The following CTNND2 variants were observed in gnomAD, a reference collection of about 807,000 sequenced individuals.
CTNND2 encodes catenin delta 2, also known as catenin delta-2.
A neutral mutation model predicts 144.4 loss-of-function variants in CTNND2; 22 were observed. That is an observed-to-expected ratio of 0.15 (90% CI 0.11 to 0.22). The LOEUF is 0.22. Ranked by LOEUF, CTNND2 falls within the 10% of genes least tolerant of loss-of-function variation. The pLI is 1.00. For missense variants in CTNND2, 1,353 were observed against 1,618.8 expected (o/e 0.84, Z 2.82); for synonymous variants, 751 against 695.6 (o/e 1.08, Z -1.25).
In CTNND2 at chr5:11,236,767, T is replaced by G; in HGVS notation, c.1685A>C (p.Gln562Pro). 1 of 1,614,182 alleles carries G rather than the reference T, an allele frequency of 6.2e-7. No homozygotes were observed. The highest frequency in any genetic ancestry group is 8.5e-7 in the Non-Finnish European group (1 of 1,180,034). Residue 562 changes from glutamine (Q) to proline (P), a missense_variant, in exon 10 of 22, where the codon CAG becomes CCG. By Grantham distance (76) the Gln-to-Pro change is moderately conservative. Transcript: ENST00000304623. ...CGCGTTAGACTGGACCGAGGGAAAC[T>G]GGTGCTGCAACATCTGAATCACTTC... is the stretch of plus-strand genomic sequence containing the variant. ...LPEVIQMLQH[Q>P]FPSVQSNAAA...
intron 2 of CTNND2, among the ~76,000 whole-genome samples, chr5:11,608,232 C>T (rs949040654): frequency 1.3e-5 from 2 of 152,132 alleles, no homozygotes; most frequent in Admixed American, 1.3e-4. Context: ...GCAGTGTTTT[C>T]TCAGCCTGGC....
chr5:11,732,345 G>C (rs1462375577), intron 1 of CTNND2, 73 bp from the exon 2 acceptor site: 12 of 1,447,048 alleles, frequency 8.3e-6, no homozygotes, highest in Non-Finnish European at 1.1e-5. Context: ...AGACCACTTT[G>C]AAGATACACA....
chr5:11,674,510 A>G (rs1784066875), intron 2 of CTNND2, among the ~76,000 whole-genome samples: 1 of 152,210 alleles, frequency 6.6e-6, no homozygotes, highest in African/African-American at 2.4e-5. Context: ...TGATGAATCT[A>G]CAGTGACACA....
At chr5:11,068,866 G>A (rs1219066773) in intron 16 of CTNND2, among the ~76,000 whole-genome samples, 2 of 152,164 alleles carry the variant, frequency 1.3e-5, no homozygotes, top group Non-Finnish European at 2.9e-5. Context: ...GCAGTGAGCC[G>A]AGATCGCACC....
chr5:11,023,258 TC>T (rs1742477261), intron 16 of CTNND2, among the ~76,000 whole-genome samples: 1 of 152,012 alleles, frequency 6.6e-6, no homozygotes, highest in Non-Finnish European at 1.5e-5. Context: ...GTTTTTTCAA[TC>T]TCTAAAGGAA....
chr5:11,864,883 CTTTTTTTTTTTTT>C (rs59068101), intron 1 of CTNND2, among the ~76,000 whole-genome samples: 2 of 56,700 alleles, frequency 3.5e-5, no homozygotes, highest in Non-Finnish European at 6.2e-5. Flanking sequence ...CTTCTTCTTC[CTTTTTTTTTTTTT>C]TTTTTTTTTT....
intron 1 of CTNND2, among the ~76,000 whole-genome samples, chr5:11,860,687 G>C (rs1470462262): frequency 6.6e-6 from 1 of 152,130 alleles, no homozygotes; most frequent in African/African-American, 2.4e-5. Flanking sequence ...GGTAATTTAG[G>C]TACCAATTAG....
chr5:11,098,028 C>A (rs1212476915), intron 15 of CTNND2, among the ~76,000 whole-genome samples: 2 of 152,200 alleles, frequency 1.3e-5, no homozygotes, highest in East Asian at 1.9e-4. Flanking sequence ...AAAGGCTGTT[C>A]TAATCTCCTC....
At chr5:11,260,870 A>G (rs1744785932) in intron 9 of CTNND2, among the ~76,000 whole-genome samples, 1 of 152,232 alleles carries the variant, frequency 6.6e-6, no homozygotes, top group Non-Finnish European at 1.5e-5. Flanking sequence ...ATAGGGAAGT[A>G]TAATAGATGA....
intron 3 of CTNND2, among the ~76,000 whole-genome samples, chr5:11,415,562 C>A (rs996038993): frequency 6.6e-6 from 1 of 152,036 alleles, no homozygotes; most frequent in African/African-American, 2.4e-5. Context: ...GCTGAGATTG[C>A]GCCACTGTCC....
chr5:11,656,181 A>T (rs986212590), intron 2 of CTNND2, among the ~76,000 whole-genome samples: 2 of 152,078 alleles, frequency 1.3e-5, no homozygotes, highest in African/African-American at 4.8e-5. Context: ...CTGGATTTTT[A>T]AAATTTTTAT....
chr5:11,086,072 G>C (rs1408674612), intron 15 of CTNND2, among the ~76,000 whole-genome samples: 3 of 152,164 alleles, frequency 2.0e-5, no homozygotes, highest in Non-Finnish European at 4.4e-5. Flanking sequence ...TGGGTGGGGT[G>C]TGTAGGTTAG....
chr5:11,101,706 C>A, intron 14 of CTNND2, among the ~76,000 whole-genome samples: 1 of 152,102 alleles, frequency 6.6e-6, no homozygotes, highest in East Asian at 1.9e-4. Context: ...AACCTACTAC[C>A]AAAAACTCTT....
At chr5:11,623,180 A>G (rs748254469) in intron 2 of CTNND2, among the ~76,000 whole-genome samples, 11 of 152,138 alleles carry the variant, frequency 7.2e-5, no homozygotes, top group Non-Finnish European at 1.6e-4. Flanking sequence ...AATCGGTAGA[A>G]GTGTTCATAA....
At chr5:11,858,907 C>T (rs527415424) in intron 1 of CTNND2, among the ~76,000 whole-genome samples, 8 of 152,178 alleles carry the variant, frequency 5.3e-5, no homozygotes, top group East Asian at 1.9e-4. Flanking sequence ...CCAGCCTGGG[C>T]GACAGAGTGA....
At chr5:11,816,686 AGAGAGGGGG>A (rs1561822956) in intron 1 of CTNND2, among the ~76,000 whole-genome samples, 5 of 54 alleles carry the variant, frequency 0.093, 2 homozygotes, top group African/African-American at 0.096. Flanking sequence ...AGAGGGGGGG[AGAGAGGGGG>A]GAGAGAGAGA....
chr5:11,775,144 T>G (rs1479111784), intron 1 of CTNND2, among the ~76,000 whole-genome samples: 33 of 152,152 alleles, frequency 2.2e-4, no homozygotes, highest in Admixed American at 2.2e-3. Flanking sequence ...ACATTACCTT[T>G]TAGGAATTAT....
intron 9 of CTNND2, among the ~76,000 whole-genome samples, chr5:11,330,782 CAAAAAAAAA>C (rs70949317): frequency 7.2e-6 from 1 of 139,536 alleles, no homozygotes; most frequent in African/African-American, 2.6e-5. Flanking sequence ...AACTCTGTAT[CAAAAAAAAA>C]AAAAAAAAAT....
In CTNND2 at chr5:11,904,253, C is replaced by T. The variant is rs1453862510; in HGVS notation, c.-400G>A. ...GCGAGCCTGGGGCCGCCGCGGCGCC[C>T]GGCGCCGAGCGCTCCCGAGCTGCGC... On this transcript the variant is annotated 5_prime_UTR_variant, in exon 1 of 22. Transcript: ENST00000304623. The surrounding 1 kb of genome is among the most constrained non-coding windows in gnomAD (Gnocchi z 4.2). Among the ~76,000 whole-genome samples, 1 of 145,682 alleles carries T rather than the reference C, an allele frequency of 6.9e-6. No individual in the cohort carries two copies. Among genetic ancestry groups the T allele is most frequent in the African/African-American group, 2.5e-5 (1 of 40,728 alleles).
Sources: allele counts gnomAD v4.1 joint callset (sites outside exome capture counted in the v4.1 genomes callset), GRCh38; gene constraint gnomAD v4.1.1; non-coding constraint Gnocchi (gnomAD v3.1); transcripts MANE v1.5; gene names NCBI Gene and HGNC (gene_info 2026-07-23, HGNC 2026-07-21).